Variants in TTC7B observed in about 807,000 individuals in gnomAD.
TTC7B encodes tetratricopeptide repeat protein 7B.
Under a neutral mutation model 106.8 loss-of-function variants are expected in TTC7B, and 28 were observed. The observed-to-expected ratio is 0.26, with a 90% CI of 0.19 to 0.36. TTC7B has a LOEUF of 0.36. Among genes scored for constraint, TTC7B ranks in the 10% least tolerant of loss-of-function variants. The pLI, the probability that TTC7B is intolerant of heterozygous loss-of-function variation, is 1.00. For synonymous variants in TTC7B, 405 were observed against 430.6 expected (o/e 0.94, Z 0.74); for missense variants, 862 against 1,076.4 (o/e 0.80, Z 2.79).
intron 4 of TTC7B, among the ~76,000 whole-genome samples, chr14:90,731,247 G>C (rs183886201): frequency 6.6e-6 from 1 of 152,242 alleles, no homozygotes; most frequent in East Asian, 1.9e-4. Flanking sequence ...CCCTGCGCCC[G>C]GCCTGCTGCT....
At chr14:90,583,981 C>A (rs988528525) in intron 18 of TTC7B, among the ~76,000 whole-genome samples, 2 of 152,182 alleles carry the variant, frequency 1.3e-5, no homozygotes, top group African/African-American at 4.8e-5. Flanking sequence ...CAGGACCCCC[C>A]AGAAACCCAG....
At chr14:90,761,077 A>G (rs1890483817) in intron 3 of TTC7B, among the ~76,000 whole-genome samples, 1 of 152,210 alleles carries the variant, frequency 6.6e-6, no homozygotes, top group Non-Finnish European at 1.5e-5. Context: ...ATTAACCCCC[A>G]AACTATGGTA....
At chr14:90,756,456 C>T (rs1367958654) in intron 3 of TTC7B, among the ~76,000 whole-genome samples, 2 of 149,560 alleles carry the variant, frequency 1.3e-5, no homozygotes, top group Admixed American at 6.7e-5. Context: ...TGCAATGGCG[C>T]GATCTCGGCT....
chr14:90,592,428 G>T (rs1317385599), intron 18 of TTC7B, among the ~76,000 whole-genome samples: 1 of 152,228 alleles, frequency 6.6e-6, no homozygotes, highest in Non-Finnish European at 1.5e-5. Flanking sequence ...GCCTGCACAG[G>T]CCAGGCGCGG....
chr14:90,603,355 A>G, intron 17 of TTC7B: 1 of 1,229,924 alleles, frequency 8.1e-7, no homozygotes, highest in Non-Finnish European at 1.1e-6. Context: ...AAAACATTTG[A>G]AAAATCAAAA....
intron 5 of TTC7B, among the ~76,000 whole-genome samples, chr14:90,712,046 AT>A (rs149691233): frequency 0.13 from 19,693 of 152,162 alleles, 1,289 homozygotes; most frequent in Middle Eastern, 0.17. Context: ...TAGGTTGAAA[AT>A]AAAAGGACAA....
At chr14:90,727,622 G>T (rs1277947888) in intron 5 of TTC7B, among the ~76,000 whole-genome samples, 1 of 152,190 alleles carries the variant, frequency 6.6e-6, no homozygotes, top group Non-Finnish European at 1.5e-5. Context: ...GGAAAAGATG[G>T]GAGAGTTCTA....
intron 9 of TTC7B, among the ~76,000 whole-genome samples, chr14:90,662,145 G>A (rs12881399): frequency 2.0e-5 from 3 of 152,130 alleles, no homozygotes; most frequent in Non-Finnish European, 2.9e-5. Context: ...CAGGGGGGAC[G>A]AGCAGGCACT....
intron 5 of TTC7B, among the ~76,000 whole-genome samples, chr14:90,711,185 A>T (rs756540975): frequency 6.2e-4 from 94 of 152,228 alleles, no homozygotes; most frequent in Non-Finnish European, 1.8e-4. Context: ...AGATGTAAAT[A>T]TGTGGGTAAA....
Position 90,554,519 on chromosome 14 carries a change from G to A in TTC7B, c.2311-12930C>T, listed in dbSNP as rs1282119457. 2.6e-5 allele frequency among the ~76,000 whole-genome samples: 4 copies of A among 152,232 alleles called. No homozygotes were observed. In the East Asian group the frequency reaches 7.7e-4, roughly 29 times the overall value. ...AAACACTCGTTGAGCGCCTGTGGGT[G>A]TTCTGGCACCAATGTCCTGGTGCTG... is the stretch of plus-strand genomic sequence containing the variant. On this transcript the variant is annotated intron_variant, in intron 19 of 19. Transcript: ENST00000328459.
chr14:90,689,432 A>C (rs1039932338), intron 7 of TTC7B, 108 bp downstream of exon 7: 63 of 987,154 alleles, frequency 6.4e-5, no homozygotes, highest in African/African-American at 4.9e-5. Context: ...TGTTCATTTG[A>C]TTTTCTTTTA....
intron 4 of TTC7B, among the ~76,000 whole-genome samples, chr14:90,739,649 G>T (rs758617539): frequency 6.6e-6 from 1 of 152,178 alleles, no homozygotes; most frequent in East Asian, 1.9e-4. Context: ...CACTAAAACA[G>T]CCAATAAAAT....
intron 1 of TTC7B, among the ~76,000 whole-genome samples, chr14:90,790,112 A>G (rs1157424381): frequency 6.6e-6 from 1 of 152,108 alleles, no homozygotes; most frequent in African/African-American, 2.4e-5. Flanking sequence ...CACTGTTTAT[A>G]GAAGTCTGTC....
intron 3 of TTC7B, chr14:90,766,483 A>T (rs1595359505): frequency 1.5e-6 from 1 of 663,708 alleles, no homozygotes; most frequent in East Asian, 2.5e-5. Context: ...AGAAGCCAAT[A>T]AGAAATTCTG....
intron 6 of TTC7B, among the ~76,000 whole-genome samples, chr14:90,691,621 C>G (rs1257649845): frequency 6.6e-6 from 1 of 152,126 alleles, no homozygotes; most frequent in Non-Finnish European, 1.5e-5. Flanking sequence ...GGAAGTGGGC[C>G]TGAAATAAGA....
intron 3 of TTC7B, among the ~76,000 whole-genome samples, chr14:90,760,220 G>C (rs578178335): frequency 5.5e-4 from 83 of 152,136 alleles, no homozygotes; most frequent in Non-Finnish European, 9.4e-4. Flanking sequence ...AAGATAAACA[G>C]AGGTGGGGGG....
chr14:90,691,870 T>C (rs995268376), intron 6 of TTC7B, among the ~76,000 whole-genome samples: 73 of 152,224 alleles, frequency 4.8e-4, no homozygotes, highest in African/African-American at 1.7e-3. Context: ...ACTCCCCACT[T>C]CCCCTCCCTC....
At chr14:90,603,342 A>C in intron 17 of TTC7B, 9 of 1,264,128 alleles carry the variant, frequency 7.1e-6, no homozygotes, top group Non-Finnish European at 9.3e-6. Context: ...AAAACCAAGA[A>C]ACAAAACATT....
chr14:90,775,176 C>T (rs1890986927), intron 3 of TTC7B, among the ~76,000 whole-genome samples: 2 of 152,166 alleles, frequency 1.3e-5, no homozygotes, highest in Non-Finnish European at 2.9e-5. Flanking sequence ...GGCCTCTCCC[C>T]TCTCCCCATA....
Sources: gnomAD v4.1 joint callset for allele counts (sites outside exome capture counted in the v4.1 genomes callset) on GRCh38, gnomAD v4.1.1 for gene constraint, MANE v1.5 for transcripts, NCBI Gene and HGNC (gene_info 2026-07-23, HGNC 2026-07-21) for gene names.